The following TBPL2 variants were observed in gnomAD, a reference collection of about 807,000 sequenced individuals.
TBPL2 encodes the protein TATA box-binding protein-like 2.
Under a neutral mutation model 38.2 loss-of-function variants are expected in TBPL2, and 40 were observed. The observed-to-expected ratio is 1.05, with a 90% confidence interval of 0.81 to 1.36. The LOEUF is 1.36. Among genes scored for constraint, TBPL2 ranks in the 40% most tolerant of loss-of-function variants. The probability of loss-of-function intolerance (pLI) is 0.00; values close to 1 mark genes in which losing one functional copy is unlikely to be tolerated. For missense variants in TBPL2, 461 were observed against 456.7 expected (o/e 1.01, Z -0.09); for synonymous variants, 169 against 171.7 (o/e 0.98, Z 0.12).
intron 6 of TBPL2, among the ~76,000 whole-genome samples, chr14:55,415,437 T>G (rs1349245136): frequency 1.3e-5 from 2 of 152,114 alleles, no homozygotes; most frequent in African/African-American, 4.8e-5. Context: ...GACCCAACAA[T>G]TTCACGCCTT....
intron 5 of TBPL2, among the ~76,000 whole-genome samples, chr14:55,426,340 T>C (rs963282718): frequency 5.9e-5 from 9 of 151,768 alleles, no homozygotes; most frequent in Admixed American, 5.9e-4. Flanking sequence ...GATTATGTCA[T>C]AGAAAGATTA....
chr14:55,436,827 A>G (rs982290236), exon 2 of TBPL2: 1 of 1,614,266 alleles, frequency 6.2e-7, no homozygotes, highest in East Asian at 2.2e-5. Context: ...TGCTAATGAC[A>G]GGCTGGTCTT....
At chr14:55,426,112 C>A (rs1340059653) in intron 5 of TBPL2, among the ~76,000 whole-genome samples, 1 of 151,756 alleles carries the variant, frequency 6.6e-6, no homozygotes, top group Non-Finnish European at 1.5e-5. Context: ...ACTAAAAATA[C>A]AAAAATTAGC....
intron 3 of TBPL2, among the ~76,000 whole-genome samples, chr14:55,434,697 G>C (rs1403510068): frequency 1.3e-5 from 2 of 152,172 alleles, no homozygotes; most frequent in Admixed American, 6.5e-5. Flanking sequence ...ACCATTGTCA[G>C]CTGTATGAAA....
At chr14:55,429,386 G>A (rs1885886564) in intron 4 of TBPL2, among the ~76,000 whole-genome samples, 1 of 152,214 alleles carries the variant, frequency 6.6e-6, no homozygotes, top group Admixed American at 6.5e-5. Context: ...CGAGCAATCT[G>A]TCTTTTAACA....
At chr14:55,428,503 T>C (rs1343845997) in intron 5 of TBPL2, among the ~76,000 whole-genome samples, 1 of 152,132 alleles carries the variant, frequency 6.6e-6, no homozygotes, top group African/African-American at 2.4e-5. Context: ...GTCATCACCT[T>C]TGAGCTTTTT....
At position 55,431,862 on chromosome 14, in the gene TBPL2, C is replaced by CT. The variant is rs59922849; in HGVS notation, c.788+1767dup. Reference sequence around the variant, plus strand: ...TCAAGTGCTCAGTAGCCACATCTGACTAGTGGCTATATCATTGCATTAAAC... The same window carrying CT: ...TCAAGTGCTCAGTAGCCACATCTGACTTAGTGGCTATATCATTGCATTAAAC... On this transcript the variant is annotated intron_variant, in intron 4 of 6. Transcript: ENST00000247219. Among the ~76,000 whole-genome samples the CT allele has an allele frequency of 5.6e-3, 850 of 152,312 alleles. 8 individuals carry two copies. The highest frequency in any genetic ancestry group is 0.017 in the African/African-American group (727 of 41,574).
intron 3 of TBPL2, among the ~76,000 whole-genome samples, chr14:55,435,275 G>T (rs1359785463): frequency 7.1e-6 from 1 of 141,240 alleles, no homozygotes; most frequent in African/African-American, 3.0e-5. Flanking sequence ...ATAGTCAGGT[G>T]AAATTTTTTT....
At chr14:55,430,421 A>G (rs1885907367) in intron 4 of TBPL2, among the ~76,000 whole-genome samples, 1 of 132,766 alleles carries the variant, frequency 7.5e-6, no homozygotes, top group Admixed American at 7.6e-5. Context: ...AAAAAAAAAA[A>G]AAGAGATTGG....
chr14:55,436,970 A>G (rs1476064509), exon 2 of TBPL2: 1 of 1,614,222 alleles, frequency 6.2e-7, no homozygotes, highest in Non-Finnish European at 8.5e-7. Flanking sequence ...TACATATCAT[A>G]AGGTACAACT....
intron 5 of TBPL2, among the ~76,000 whole-genome samples, chr14:55,427,880 C>CTTTTTT (rs551473740): frequency 7.6e-6 from 1 of 130,896 alleles, no homozygotes; most frequent in Non-Finnish European, 1.6e-5. Context: ...GTTAGGATTG[C>CTTTTTT]TTTTTTTTTT....
chr14:55,428,675 C>T, intron 5 of TBPL2, 132 bp downstream of exon 5: 9 of 977,664 alleles, frequency 9.2e-6, no homozygotes, highest in Non-Finnish European at 1.2e-5. Flanking sequence ...GCATCTTAAT[C>T]TTTTCACTAT....
chr14:55,440,452 A>C, exon 1 of TBPL2: 1 of 1,610,786 alleles, frequency 6.2e-7, no homozygotes, highest in Non-Finnish European at 8.5e-7. Context: ...TGCTCCATGG[A>C]CCGTAATCCC....
chr14:55,427,031 A>G (rs1479277100), intron 5 of TBPL2, among the ~76,000 whole-genome samples: 1 of 152,246 alleles, frequency 6.6e-6, no homozygotes, highest in African/African-American at 2.4e-5. Context: ...GAGCTCTTGC[A>G]GATGTACACT....
At chr14:55,423,259 C>G (rs1226581889) in intron 6 of TBPL2, among the ~76,000 whole-genome samples, 1 of 152,168 alleles carries the variant, frequency 6.6e-6, no homozygotes, top group African/African-American at 2.4e-5. Flanking sequence ...TGCTGCCAAG[C>G]ATTTGGTAAA....
chr14:55,434,384 A>G (rs1056361576), intron 3 of TBPL2, among the ~76,000 whole-genome samples: 11 of 152,182 alleles, frequency 7.2e-5, no homozygotes, highest in Non-Finnish European at 1.3e-4. Flanking sequence ...TGGACGTGTC[A>G]TCAAATGGCC....
At chr14:55,421,651 T>TG (rs1295430769) in intron 6 of TBPL2, among the ~76,000 whole-genome samples, 1 of 152,094 alleles carries the variant, frequency 6.6e-6, no homozygotes, top group Non-Finnish European at 1.5e-5. Context: ...TCAGTAGAGA[T>TG]GGGGTTTCAC....
At chr14:55,428,900 A>G in exon 5 of TBPL2, 1 of 1,614,192 alleles carries the variant, frequency 6.2e-7, no homozygotes. Flanking sequence ...TTTAAAATCG[A>G]GGAATCTGGC....
intron 1 of TBPL2, among the ~76,000 whole-genome samples, chr14:55,437,979 G>T (rs1007323410): frequency 1.3e-5 from 2 of 152,140 alleles, no homozygotes; most frequent in African/African-American, 4.8e-5. Context: ...ATCCAGCAAC[G>T]GAGAGAATGA....
Sources: gnomAD v4.1 joint callset for allele counts (sites outside exome capture counted in the v4.1 genomes callset) on GRCh38, gnomAD v4.1.1 for gene constraint, MANE v1.5 for transcripts, NCBI Gene and HGNC (gene_info 2026-07-23, HGNC 2026-07-21) for gene names.